KIAA1217: variants seen among roughly 807,000 people sequenced by gnomAD.
The protein encoded by KIAA1217 is KIAA1217.
In KIAA1217, 88 loss-of-function variants were observed where a neutral mutation model predicts 163.9. That is an observed-to-expected ratio of 0.54 (90% CI 0.45 to 0.64). KIAA1217 has a LOEUF of 0.64. Ranked by LOEUF, KIAA1217 falls within the 30% of genes least tolerant of loss-of-function variation. The pLI is 0.00. For missense variants in KIAA1217, 2,372 were observed against 2,475.0 expected, an observed-to-expected ratio of 0.96 and a Z score of 0.88; for synonymous variants, 903 against 923.1, an observed-to-expected ratio of 0.98 and a Z score of 0.39.
intron 5 of KIAA1217, among the ~76,000 whole-genome samples, chr10:24,449,184 T>G (rs1352870371): frequency 2.6e-5 from 4 of 152,236 alleles, no homozygotes; most frequent in African/African-American, 9.6e-5. Flanking sequence ...AGATATTTTC[T>G]TGTTCCTTCT....
chr10:24,215,615 T>C (rs144852414), intron 1 of KIAA1217, among the ~76,000 whole-genome samples: 1 of 152,190 alleles, frequency 6.6e-6, no homozygotes, highest in African/African-American at 2.4e-5. Context: ...TTGTAATCAT[T>C]CTTAGTTTTT....
At chr10:24,239,691 G>GTT (rs1339866872) in intron 2 of KIAA1217, among the ~76,000 whole-genome samples, 29 of 133,362 alleles carry the variant, frequency 2.2e-4, no homozygotes, top group African/African-American at 7.7e-4. Flanking sequence ...GTGTGTGTGT[G>GTT]TGTGTTTGTG....
At chr10:23,928,696 G>A (rs1432784376) in intron 1 of KIAA1217, among the ~76,000 whole-genome samples, 1 of 152,190 alleles carries the variant, frequency 6.6e-6, no homozygotes, top group Non-Finnish European at 1.5e-5. Flanking sequence ...ACAACCTCAT[G>A]AGGTAGATAC....
At position 24,547,056 on chromosome 10, in the gene KIAA1217, C is replaced by CTTTTTTT. The variant is rs11411265; in HGVS notation, c.*742_*748dup. On this transcript the variant is annotated 3_prime_UTR_variant, in exon 21 of 21. Coordinates refer to ENST00000376454, the MANE Select transcript of KIAA1217 (RefSeq NM_019590.5). ...GCTTCTTTTCTTTCTTTTTTCCTTCCTTTTTTTTTTTTTTTTCTTTTTTAA... is the reference window on the plus strand; with the variant it reads ...GCTTCTTTTCTTTCTTTTTTCCTTCCTTTTTTTTTTTTTTTTTTTTTTTCTTTTTTAA... The CTTTTTTT allele has an allele frequency of 2.3e-5, 3 of 127,946 alleles. No individual in the cohort carries two copies. The highest frequency in any genetic ancestry group is 4.8e-5 in the Non-Finnish European group (3 of 62,538). 7.9% of individuals were successfully genotyped at this position (127,946 alleles called of 1,614,324 possible). A position where few individuals can be genotyped will look rare whatever the true frequency, so the allele number is the denominator to read the frequency against.
At chr10:24,533,479 G>A (rs2073443329) in intron 16 of KIAA1217, among the ~76,000 whole-genome samples, 1 of 152,216 alleles carries the variant, frequency 6.6e-6, no homozygotes, top group Admixed American at 6.5e-5. Flanking sequence ...CCTACCTCTG[G>A]CTGTAAAATT....
At chr10:24,479,970 C>T (rs562134115) in intron 6 of KIAA1217, among the ~76,000 whole-genome samples, 1 of 152,328 alleles carries the variant, frequency 6.6e-6, no homozygotes, top group South Asian at 2.1e-4. Context: ...TTCCACTAGG[C>T]CCCACCTCCC....
At chr10:23,922,250 C>T (rs1348959448) in intron 1 of KIAA1217, among the ~76,000 whole-genome samples, 3 of 152,180 alleles carry the variant, frequency 2.0e-5, no homozygotes, top group African/African-American at 7.2e-5. Context: ...AGGTGGCATC[C>T]CCAGAGAGGG....
chr10:23,959,189 A>G (rs1844708689), intron 1 of KIAA1217, among the ~76,000 whole-genome samples: 1 of 151,966 alleles, frequency 6.6e-6, no homozygotes, highest in Non-Finnish European at 1.5e-5. Context: ...AGGGGAGGAA[A>G]AGATTCCCTT....
chr10:24,448,155 A>T (rs1421022363), intron 5 of KIAA1217, among the ~76,000 whole-genome samples: 1 of 152,080 alleles, frequency 6.6e-6, no homozygotes, highest in Non-Finnish European at 1.5e-5. Context: ...ATAACCCTGA[A>T]GTTTAAGAAT....
chr10:24,328,263 G>T (rs947200153), intron 2 of KIAA1217, among the ~76,000 whole-genome samples: 2 of 152,302 alleles, frequency 1.3e-5, no homozygotes, highest in South Asian at 4.1e-4. Context: ...GTAACTATGT[G>T]TGAGAAAACA....
intron 2 of KIAA1217, among the ~76,000 whole-genome samples, chr10:24,096,051 T>A (rs550592665): frequency 1.6e-4 from 24 of 152,318 alleles, no homozygotes; most frequent in Admixed American, 7.2e-4. Context: ...AAGCCTGCAG[T>A]GAGCTGTGAT....
At chr10:24,137,391 G>A (rs1028887011) in intron 2 of KIAA1217, among the ~76,000 whole-genome samples, 12 of 152,194 alleles carry the variant, frequency 7.9e-5, no homozygotes, top group African/African-American at 2.2e-4. Context: ...TAGGCCCCCA[G>A]GAGATTGCTG....
intron 1 of KIAA1217, among the ~76,000 whole-genome samples, chr10:23,891,902 A>G (rs950376655): frequency 6.6e-6 from 1 of 151,972 alleles, no homozygotes; most frequent in Admixed American, 6.6e-5. Flanking sequence ...TTGTAAGTCC[A>G]CTGGGTACAT....
At chr10:24,364,620 T>C (rs1169275280) in intron 2 of KIAA1217, among the ~76,000 whole-genome samples, 1 of 152,092 alleles carries the variant, frequency 6.6e-6, no homozygotes, top group Non-Finnish European at 1.5e-5. Context: ...GCTCTGATGG[T>C]GGGAGATTCT....
intron 6 of KIAA1217, among the ~76,000 whole-genome samples, chr10:24,486,995 G>C (rs2065484682): frequency 6.6e-6 from 1 of 152,198 alleles, no homozygotes; most frequent in African/African-American, 2.4e-5. Flanking sequence ...GGTCACCGCT[G>C]TAAGGATGGA....
rs747355552 is a variant in KIAA1217 at position 24,542,868 on chromosome 10, C to T, written c.3613-15C>T. On this transcript the variant is annotated splice_polypyrimidine_tract_variant and intron_variant, in intron 18 of 20. Coordinates refer to ENST00000376454, the MANE Select transcript of KIAA1217 (RefSeq NM_019590.5). Reference sequence around the variant, plus strand: ...ATTAACGTGTGTGGTTTCCCTCCTCCGTTCTCCCTCTCAGGTTACCACAGG... The same window carrying T: ...ATTAACGTGTGTGGTTTCCCTCCTCTGTTCTCCCTCTCAGGTTACCACAGG... 10 of 1,608,948 alleles carry T rather than the reference C, an allele frequency of 6.2e-6. No homozygotes were observed. Among genetic ancestry groups the T allele is most frequent in the South Asian group, 4.4e-5 (4 of 90,368 alleles).
chr10:24,198,942 G>A (rs1589868343), intron 2 of KIAA1217, among the ~76,000 whole-genome samples: 1 of 152,332 alleles, frequency 6.6e-6, no homozygotes, highest in East Asian at 1.9e-4. Context: ...GAACAAGCCA[G>A]GTGTGGTGGC....
At chr10:24,113,483 G>T (rs2131749784) in intron 2 of KIAA1217, among the ~76,000 whole-genome samples, 1 of 152,274 alleles carries the variant, frequency 6.6e-6, no homozygotes, top group Middle Eastern at 3.4e-3. Context: ...CTGCAAGAGT[G>T]TCTTTAATTA....
Position 24,533,220 on chromosome 10 carries a change from A to G in KIAA1217, c.3397A>G (p.Ile1133Val), listed in dbSNP as rs775665135. 12 of 1,611,768 alleles carry G rather than the reference A, an allele frequency of 7.4e-6. No individual in the cohort carries two copies. In the East Asian group the frequency reaches 2.5e-4, roughly 33 times the overall value. ...EEEEEEEGDK[I>V]MAELQAFQKC... ...GGAAGAAGAAGAAGAAGGAGACAAAATAATGGCAGAACTCCAGGTATGTGG... is the reference window on the plus strand; with the variant it reads ...GGAAGAAGAAGAAGAAGGAGACAAAGTAATGGCAGAACTCCAGGTATGTGG... Residue 1133 changes from isoleucine (I) to valine (V), a missense_variant, in exon 16 of 21, where the codon ATA becomes GTA. Physicochemically the swap from Ile to Val is conservative, Grantham distance 29. Coordinates refer to ENST00000376454, the MANE Select transcript of KIAA1217 (RefSeq NM_019590.5).
Sources: allele counts gnomAD v4.1 joint callset (sites outside exome capture counted in the v4.1 genomes callset), GRCh38; gene constraint gnomAD v4.1.1; transcripts MANE v1.5; gene names NCBI Gene and HGNC (gene_info 2026-07-23, HGNC 2026-07-21).